ANKRD6: variants seen among roughly 807,000 people sequenced by gnomAD.
ANKRD6 encodes the protein ankyrin repeat domain 6, also known as ankyrin repeat domain-containing protein 6.
ANKRD6 carries 56 observed loss-of-function variants against 82.3 expected under a neutral mutation model. That is an observed-to-expected ratio of 0.68 (90% CI 0.55 to 0.85). The LOEUF is 0.85. Ranked by LOEUF, ANKRD6 falls within the 40% of genes least tolerant of loss-of-function variation. ANKRD6 has a pLI of 0.00. For synonymous variants in ANKRD6, 347 were observed against 352.1 expected (o/e 0.99, Z 0.16); for missense variants, 852 against 907.6 (o/e 0.94, Z 0.79).
At chr6:89,466,438 A>G (rs747160619) in intron 1 of ANKRD6, among the ~76,000 whole-genome samples, 1 of 152,208 alleles carries the variant, frequency 6.6e-6, no homozygotes, top group African/African-American at 2.4e-5. Context: ...CCAGCAATAC[A>G]TGAGAATTTG....
Position 89,630,841 on chromosome 6 carries a change from C to T in ANKRD6, c.2021C>T (p.Ala674Val). ...ALELTQYFFE[A>V]VSTQMEKWYE... ...GAGCTTACCCAGTATTTTTTTGAGG[C>T]TGTTTCTACCCAGATGGAAAAGTGG... The change falls in exon 16 of 16, where the codon GCT (alanine) becomes GTT (valine). Residue 674 changes from alanine (A) to valine (V), a missense_variant. Physicochemically the swap from Ala to Val is moderately conservative, Grantham distance 64 (BLOSUM62 0). Transcript: ENST00000339746. The T allele has an allele frequency of 1.2e-6, 2 of 1,613,862 alleles. No homozygotes were observed. Among genetic ancestry groups the T allele is most frequent in the Non-Finnish European group, 1.7e-6 (2 of 1,179,882 alleles).
At chr6:89,461,243 G>A (rs1408540475) in intron 1 of ANKRD6, among the ~76,000 whole-genome samples, 1 of 152,088 alleles carries the variant, frequency 6.6e-6, no homozygotes, top group South Asian at 2.1e-4. Context: ...GGAGAGTTTT[G>A]TTAATAGTTC....
chr6:89,627,783 A>T, intron 14 of ANKRD6, 87 bp downstream of exon 14: 3 of 1,092,820 alleles, frequency 2.7e-6, no homozygotes, highest in Non-Finnish European at 4.1e-6. Context: ...GAAAACTCAG[A>T]GGCTGAGACT....
At chr6:89,621,580 T>G in intron 9 of ANKRD6, 1 of 257,804 alleles carries the variant, frequency 3.9e-6, no homozygotes, top group Middle Eastern at 1.4e-3. Flanking sequence ...GGAGACGCCA[T>G]TCATATCCTA....
At chr6:89,617,381 A>ATATC (rs1354499318) in intron 8 of ANKRD6, among the ~76,000 whole-genome samples, 2 of 152,078 alleles carry the variant, frequency 1.3e-5, no homozygotes, top group African/African-American at 4.8e-5. Context: ...GATGCCTTGA[A>ATATC]TATCTTCCTT....
intron 9 of ANKRD6, chr6:89,620,026 ATT>A (rs1053445605): frequency 1.2e-4 from 19 of 152,198 alleles, no homozygotes; most frequent in African/African-American, 4.6e-4. Flanking sequence ...TGATTTTTGT[ATT>A]TTTAGTAGAG....
chr6:89,586,867 C>T (rs1049813812), intron 2 of ANKRD6, among the ~76,000 whole-genome samples: 3 of 152,038 alleles, frequency 2.0e-5, no homozygotes, highest in African/African-American at 7.2e-5. Flanking sequence ...GAAGGAAGCC[C>T]AACCCTAGCA....
intron 1 of ANKRD6, among the ~76,000 whole-genome samples, chr6:89,521,228 T>TCAA (rs1781850193): frequency 6.6e-6 from 1 of 152,204 alleles, no homozygotes; most frequent in Non-Finnish European, 1.5e-5. Context: ...GAGATGCCCC[T>TCAA]TAACCAGTGA....
intron 1 of ANKRD6, among the ~76,000 whole-genome samples, chr6:89,461,257 G>A (rs186717855): frequency 6.6e-6 from 1 of 152,268 alleles, no homozygotes; most frequent in Admixed American, 6.5e-5. Context: ...ATAGTTCCTT[G>A]AGATTTACAT....
intron 1 of ANKRD6, among the ~76,000 whole-genome samples, chr6:89,489,674 G>A (rs150605326): frequency 9.7e-4 from 147 of 152,328 alleles, no homozygotes; most frequent in Non-Finnish European, 1.7e-3. Context: ...TGAGAGCAAG[G>A]CATGCCCATT....
intron 3 of ANKRD6, chr6:89,602,651 C>T (rs1797497777): frequency 5.4e-6 from 1 of 185,812 alleles, no homozygotes; most frequent in African/African-American, 2.3e-5. Flanking sequence ...AGTAGAGATT[C>T]CAGGCATTGC....
At chr6:89,615,900 T>G (rs991938070) in intron 7 of ANKRD6, among the ~76,000 whole-genome samples, 3 of 152,260 alleles carry the variant, frequency 2.0e-5, no homozygotes, top group Non-Finnish European at 4.4e-5. Flanking sequence ...GAAAGCATAT[T>G]TCTTGTATAA....
intron 1 of ANKRD6, among the ~76,000 whole-genome samples, chr6:89,469,932 C>A (rs1235408234): frequency 6.6e-6 from 1 of 152,154 alleles, no homozygotes; most frequent in African/African-American, 2.4e-5. Context: ...ACCCCAGATT[C>A]TTCTCCTTCT....
intron 3 of ANKRD6, among the ~76,000 whole-genome samples, chr6:89,600,680 A>G (rs1796930761): frequency 6.6e-6 from 1 of 152,104 alleles, no homozygotes; most frequent in Non-Finnish European, 1.5e-5. Context: ...ATTTTGGGAA[A>G]TTCCGTCACC....
At chr6:89,552,904 C>T (rs949273482) in intron 1 of ANKRD6, among the ~76,000 whole-genome samples, 1 of 152,190 alleles carries the variant, frequency 6.6e-6, no homozygotes, top group Admixed American at 6.5e-5. Flanking sequence ...CCTCAGCCAA[C>T]CTTGGAAGAG....
chr6:89,509,694 C>A (rs1188121033), intron 1 of ANKRD6, among the ~76,000 whole-genome samples: 1 of 152,186 alleles, frequency 6.6e-6, no homozygotes, highest in Middle Eastern at 3.2e-3. Flanking sequence ...ACTGTTCTCC[C>A]TTCCTGACAG....
intron 3 of ANKRD6, chr6:89,598,314 C>A: frequency 2.0e-6 from 2 of 985,276 alleles, no homozygotes; most frequent in Non-Finnish European, 2.4e-6. Context: ...TAGCTCCCGC[C>A]TCAGAAATAG....
intron 1 of ANKRD6, among the ~76,000 whole-genome samples, chr6:89,539,713 G>A (rs1784240864): frequency 6.6e-6 from 1 of 151,018 alleles, no homozygotes; most frequent in Non-Finnish European, 1.5e-5. Context: ...TAGTCACTCT[G>A]CTGTGCTATC....
intron 1 of ANKRD6, among the ~76,000 whole-genome samples, chr6:89,454,481 A>G (rs554926998): frequency 1.8e-4 from 28 of 152,198 alleles, no homozygotes; most frequent in Non-Finnish European, 3.1e-4. Flanking sequence ...ACAGATGAGG[A>G]GTGACCAATC....
Sources: allele counts gnomAD v4.1 joint callset (sites outside exome capture counted in the v4.1 genomes callset), GRCh38; gene constraint gnomAD v4.1.1; transcripts MANE v1.5; gene names NCBI Gene and HGNC (gene_info 2026-07-23, HGNC 2026-07-21).